Variants in ALK observed in about 807,000 individuals in gnomAD.
ALK encodes the protein ALK tyrosine kinase receptor.
ALK carries 74 observed loss-of-function variants against 163.1 expected under a neutral mutation model. That is an observed-to-expected ratio of 0.45 (90% confidence interval 0.38 to 0.55). The LOEUF (loss-of-function observed/expected upper bound fraction) is 0.55, where lower values mean the gene tolerates loss of function less well. ALK is among the 20% of genes least tolerant of loss of function. The probability of loss-of-function intolerance (pLI) is 0.00; values close to 1 mark genes in which losing one functional copy is unlikely to be tolerated. For missense variants in ALK, 2,063 were observed against 2,105.3 expected (o/e 0.98, Z 0.39); for synonymous variants, 960 against 843.2 (o/e 1.14, Z -2.40).
chr2:29,750,892 A>G (rs1324597991), intron 1 of ALK, among the ~76,000 whole-genome samples: 1 of 151,918 alleles, frequency 6.6e-6, no homozygotes, highest in African/African-American at 2.4e-5. Flanking sequence ...CAGCATGGTG[A>G]AACCCCATCT....
chr2:29,818,093 G>A (rs1177787862), intron 1 of ALK, among the ~76,000 whole-genome samples: 1 of 152,168 alleles, frequency 6.6e-6, no homozygotes, highest in Non-Finnish European at 1.5e-5. Flanking sequence ...TGTGCGAGAG[G>A]CAGGGAGTCA....
At chr2:29,681,622 C>T (rs1678071108) in intron 3 of ALK, among the ~76,000 whole-genome samples, 1 of 152,162 alleles carries the variant, frequency 6.6e-6, no homozygotes, top group African/African-American at 2.4e-5. Context: ...CAGACTCTGT[C>T]CTATCTCCAT....
chr2:29,304,493 T>TAAAAAAAAAAA (rs70958256), intron 8 of ALK, among the ~76,000 whole-genome samples: 1 of 125,436 alleles, frequency 8.0e-6, no homozygotes, highest in Non-Finnish European at 1.6e-5. Flanking sequence ...AGACTGTGTC[T>TAAAAAAAAAAA]AAAAAAAAAA....
At chr2:29,194,348 G>A (rs182934477) in intron 28 of ALK, among the ~76,000 whole-genome samples, 25 of 152,260 alleles carry the variant, frequency 1.6e-4, no homozygotes, top group African/African-American at 6.0e-4. Context: ...GGGGGGCTGG[G>A]GGGAGGAGGA....
intron 5 of ALK, among the ~76,000 whole-genome samples, chr2:29,340,944 T>C (rs532468578): frequency 6.6e-6 from 1 of 152,208 alleles, no homozygotes; most frequent in Admixed American, 6.5e-5. Flanking sequence ...TTGTTGGTAG[T>C]CTGTCTGCCT....
chr2:29,840,985 A>G (rs1665682395), intron 1 of ALK, among the ~76,000 whole-genome samples: 1 of 152,192 alleles, frequency 6.6e-6, no homozygotes, highest in South Asian at 2.1e-4. Context: ...CTCAATGGCC[A>G]TCAAACACTG....
intron 4 of ALK, among the ~76,000 whole-genome samples, chr2:29,525,815 A>AAAAG (rs1558367258): frequency 7.3e-6 from 1 of 137,740 alleles, no homozygotes; most frequent in Non-Finnish European, 1.6e-5. Flanking sequence ...AAAAAAAAAA[A>AAAAG]GATGAGACTC....
At chr2:29,485,583 C>G (rs116236202) in intron 4 of ALK, among the ~76,000 whole-genome samples, 1 of 152,142 alleles carries the variant, frequency 6.6e-6, no homozygotes, top group Non-Finnish European at 1.5e-5. Flanking sequence ...GATTCATATG[C>G]GAATGATTGG....
intron 4 of ALK, among the ~76,000 whole-genome samples, chr2:29,445,878 T>G (rs1392895505): frequency 2.0e-5 from 3 of 149,946 alleles, no homozygotes; most frequent in Non-Finnish European, 4.4e-5. Context: ...GGCGGGCGGA[T>G]CACGAGGTCA....
rs746805866 is a variant in ALK, at chr2:29,535,087, CCT to C, written c.953-2973_953-2972del. ...TTAAAGTCAGTAAGAATTTATCTCT[CCT>C]CTCTCTCTTTTTGGTTTCTATTTAT... On this transcript the variant is annotated intron_variant, in intron 3 of 28. Transcript: ENST00000389048. 4.9e-4 allele frequency among the ~76,000 whole-genome samples: 75 copies of C among 152,240 alleles called. No homozygotes were observed. The East Asian group carries it at 0.01, about 21-fold the overall frequency.
At chr2:29,762,348 T>C (rs1680730484) in intron 1 of ALK, among the ~76,000 whole-genome samples, 1 of 152,236 alleles carries the variant, frequency 6.6e-6, no homozygotes, top group South Asian at 2.1e-4. Context: ...TGTTCAACTG[T>C]TTGACAGTCA....
chr2:29,668,894 G>T (rs533395720), intron 3 of ALK, among the ~76,000 whole-genome samples: 2 of 152,194 alleles, frequency 1.3e-5, no homozygotes, highest in South Asian at 4.1e-4. Context: ...GAGAGAGTGT[G>T]TACAGGGGAA....
intron 1 of ALK, among the ~76,000 whole-genome samples, chr2:29,824,330 C>A (rs1351628187): frequency 1.3e-5 from 2 of 152,238 alleles, no homozygotes; most frequent in East Asian, 3.8e-4. Flanking sequence ...AGCCCCCACA[C>A]AGAATCCCTA....
At chr2:29,367,937 T>G (rs1048777226) in intron 5 of ALK, among the ~76,000 whole-genome samples, 3 of 152,244 alleles carry the variant, frequency 2.0e-5, no homozygotes, top group Non-Finnish European at 2.9e-5. Context: ...CTGATCTCAA[T>G]TTCCTACTCA....
intron 12 of ALK, among the ~76,000 whole-genome samples, chr2:29,250,804 A>G (rs1664795790): frequency 6.6e-6 from 1 of 152,236 alleles, no homozygotes; most frequent in Non-Finnish European, 1.5e-5. Context: ...GCAATATTCA[A>G]TGAACAGGCC....
intron 1 of ALK, among the ~76,000 whole-genome samples, chr2:29,830,024 T>C (rs1558507515): frequency 6.6e-6 from 1 of 152,218 alleles, no homozygotes; most frequent in Non-Finnish European, 1.5e-5. Flanking sequence ...ATCACTCCCT[T>C]GGCAAACTGA....
intron 4 of ALK, among the ~76,000 whole-genome samples, chr2:29,469,010 C>T (rs1188325434): frequency 2.0e-5 from 3 of 152,106 alleles, no homozygotes; most frequent in African/African-American, 7.2e-5. Flanking sequence ...AAATAACACT[C>T]ACATGCTTGG....
chr2:29,365,674 C>T (rs1234394311), intron 5 of ALK, among the ~76,000 whole-genome samples: 2 of 152,200 alleles, frequency 1.3e-5, no homozygotes, highest in African/African-American at 2.4e-5. Flanking sequence ...GAATCTGACT[C>T]AGGACTACAA....
At chr2:29,220,536 A>G (rs1316393901) in intron 23 of ALK, among the ~76,000 whole-genome samples, 170 bp downstream of exon 23, 1 of 152,114 alleles carries the variant, frequency 6.6e-6, no homozygotes, top group Non-Finnish European at 1.5e-5. Flanking sequence ...ATCTACCTCT[A>G]TCTTCTGTCC....
Sources: gnomAD v4.1 joint callset for allele counts (sites outside exome capture counted in the v4.1 genomes callset) on GRCh38, gnomAD v4.1.1 for gene constraint, MANE v1.5 for transcripts, NCBI Gene and HGNC (gene_info 2026-07-23, HGNC 2026-07-21) for gene names.